The following DPP8 variants were observed in gnomAD, a reference collection of about 807,000 sequenced individuals.
DPP8 encodes dipeptidyl peptidase 8.
DPP8 carries 31 observed loss-of-function variants against 107.5 expected under a neutral mutation model. The observed-to-expected ratio is 0.29, with a 90% confidence interval of 0.22 to 0.39. The LOEUF (loss-of-function observed/expected upper bound fraction) is 0.39. Among genes scored for constraint, DPP8 ranks in the 10% least tolerant of loss-of-function variants. DPP8 has a pLI of 1.00. For missense variants in DPP8, 842 were observed against 1,076.1 expected (o/e 0.78, Z 3.04); for synonymous variants, 381 against 356.6 (o/e 1.07, Z -0.77).
chr15:65,486,868 T>C (rs765741443), intron 7 of DPP8, among the ~76,000 whole-genome samples: 12 of 152,046 alleles, frequency 7.9e-5, no homozygotes, highest in Admixed American at 4.6e-4. Context: ...AGACTACACA[T>C]TGGGTACAGT....
chr15:65,483,005 G>A (rs1595990659), intron 8 of DPP8, among the ~76,000 whole-genome samples: 1 of 152,074 alleles, frequency 6.6e-6, no homozygotes, highest in African/African-American at 2.4e-5. Context: ...GCCGAGGCAG[G>A]AGAATGGCGT....
At chr15:65,506,254 G>A (rs139303567) in intron 3 of DPP8, among the ~76,000 whole-genome samples, 111 of 152,022 alleles carry the variant, frequency 7.3e-4, no homozygotes, top group African/African-American at 2.6e-3. Flanking sequence ...GCTTGAACCC[G>A]GGAGGCGGAG....
intron 19 of DPP8, among the ~76,000 whole-genome samples, chr15:65,449,232 A>AATATATATATATATATAATTTAAAAATAT (rs2063787560): frequency 6.9e-6 from 1 of 144,448 alleles, no homozygotes; most frequent in Non-Finnish European, 1.5e-5. Context: ...AATAAAAATA[A>AATATATATATATATATAATTTAAAAATAT]ATATATATAT....
intron 11 of DPP8, 35 bp downstream of exon 11, chr15:65,478,844 AT>A (rs2066642883): frequency 6.0e-6 from 9 of 1,495,584 alleles, no homozygotes; most frequent in Non-Finnish European, 8.2e-6. Context: ...TGCTTCCAAC[AT>A]TTTTTCTTTT....
At chr15:65,492,097 T>C (rs930581453) in intron 5 of DPP8, among the ~76,000 whole-genome samples, 17 of 150,756 alleles carry the variant, frequency 1.1e-4, no homozygotes, top group African/African-American at 4.1e-4. Context: ...ATCCCAACAC[T>C]TTGGGAGGCT....
chr15:65,476,351 T>G (rs1015316196), intron 11 of DPP8, among the ~76,000 whole-genome samples: 1 of 152,150 alleles, frequency 6.6e-6, no homozygotes, highest in Non-Finnish European at 1.5e-5. Flanking sequence ...CATAAAATTA[T>G]ATGTTAACAT....
At position 65,445,195 on chromosome 15, in the gene DPP8, G is replaced by A. The variant is rs1322905806; in HGVS notation, c.*1689C>T. ...CTACCTCCCACTTGGTGTCAATGAA[G>A]TCCACCTCTTACCAATAGTCACCAA... On this transcript the variant is annotated 3_prime_UTR_variant, in exon 20 of 20. Transcript: ENST00000300141. The A allele has an allele frequency of 2.0e-5, 3 of 152,186 alleles. No individual in the cohort carries two copies. Among genetic ancestry groups the A allele is most frequent in the Non-Finnish European group, 4.4e-5 (3 of 68,060 alleles). The allele number at this position is 152,186 out of a possible 1,614,324, so 9.4% of individuals were successfully genotyped here. A position where few individuals can be genotyped will look rare whatever the true frequency, so the allele number is the denominator to read the frequency against.
At chr15:65,471,284 A>C (rs979026177) in intron 12 of DPP8, among the ~76,000 whole-genome samples, 1 of 152,208 alleles carries the variant, frequency 6.6e-6, no homozygotes, top group African/African-American at 2.4e-5. Flanking sequence ...TATAACAAGA[A>C]GGCCACTTGA....
At position 65,456,125 on chromosome 15, in the gene DPP8, C is replaced by G; in HGVS notation, c.2118+100G>C. 4 of 1,369,670 alleles carry G rather than the reference C, an allele frequency of 2.9e-6. No homozygotes were observed. The African/African-American group carries it at 5.8e-5, about 20-fold the overall frequency. The allele number at this position is 1,369,670 out of a possible 1,614,324, so 84.8% of individuals were successfully genotyped here. On this transcript the variant is annotated intron_variant, in intron 16 of 19. Coordinates refer to ENST00000300141, the MANE Select transcript of DPP8 (RefSeq NM_130434.5). The stretch of plus-strand genomic sequence containing the variant: ...ACACATACACTCTCACTCACTCATT[C>G]ATAGCCCCTTCCCCCAACTCTCTTT...
intron 3 of DPP8, among the ~76,000 whole-genome samples, chr15:65,502,413 C>T (rs911914439): frequency 9.9e-5 from 15 of 151,946 alleles, no homozygotes; most frequent in African/African-American, 3.1e-4. Context: ...CGTGGTGGCT[C>T]ATGCCTGTAA....
intron 1 of DPP8, 141 bp from the exon 2 acceptor site, chr15:65,512,705 G>T (rs2070951491): frequency 1.3e-6 from 1 of 772,062 alleles, no homozygotes; most frequent in Non-Finnish European, 2.1e-6. Context: ...ATGAAACTTA[G>T]TAAGAAAAGC....
chr15:65,479,197 G>A (rs1025652639), intron 10 of DPP8, among the ~76,000 whole-genome samples, 158 bp from the exon 11 acceptor site: 5 of 152,076 alleles, frequency 3.3e-5, no homozygotes, highest in African/African-American at 1.2e-4. Context: ...TTTGCTTGGG[G>A]CTTTCAGATT....
intron 14 of DPP8, among the ~76,000 whole-genome samples, chr15:65,464,624 A>G (rs1374226338): frequency 2.0e-5 from 3 of 152,070 alleles, no homozygotes; most frequent in Non-Finnish European, 4.4e-5. Context: ...TTGAGGCTAC[A>G]TTGAGCTGTG....
At chr15:65,511,654 A>AC (rs1179906004) in intron 2 of DPP8, among the ~76,000 whole-genome samples, 9 of 150,760 alleles carry the variant, frequency 6.0e-5, no homozygotes, top group East Asian at 1.9e-4. Context: ...AAAAAAAAAA[A>AC]AAAACTATAA....
In DPP8 at chr15:65,456,298, A is replaced by G. The variant is rs1323586622; in HGVS notation, c.2045T>C (p.Val682Ala). 6.2e-7 allele frequency: 1 copy of G among 1,614,028 alleles called. No homozygotes were observed. Among genetic ancestry groups the G allele is most frequent in the African/African-American group, 1.3e-5 (1 of 74,934 alleles). The change falls in exon 16 of 20, where the codon GTG (valine) becomes GCG (alanine). Residue 682 changes from valine (V) to alanine (A), a missense_variant. This residue lies in a region of DPP8 where 179 missense variants were observed against 318.0 expected (regional missense o/e 0.56). Coordinates refer to ENST00000300141, the MANE Select transcript of DPP8 (RefSeq NM_130434.5). ...TCCCCTGTTGTCTATCACTACAACC[A>G]CATAACCTAGAGAGGCTAGGGTATT... ...RLNTLASLGY[V>A]VVVIDNRGSC...
chr15:65,501,157 G>A (rs1047417639), intron 3 of DPP8, among the ~76,000 whole-genome samples: 12 of 151,988 alleles, frequency 7.9e-5, no homozygotes, highest in East Asian at 5.8e-4. Flanking sequence ...GATTACAGGC[G>A]TGAGACACCG....
intron 6 of DPP8, 92 bp downstream of exon 6, chr15:65,490,097 T>C (rs2067877087): frequency 6.6e-6 from 4 of 603,538 alleles, no homozygotes; most frequent in South Asian, 5.1e-5. Flanking sequence ...TTCAAATCTA[T>C]TATCCAAGAT....
intron 11 of DPP8, among the ~76,000 whole-genome samples, chr15:65,476,134 C>T (rs2066367921): frequency 6.6e-6 from 1 of 152,182 alleles, no homozygotes; most frequent in African/African-American, 2.4e-5. Context: ...AATCATTTCT[C>T]TTTTCCTCAC....
intron 15 of DPP8, among the ~76,000 whole-genome samples, chr15:65,459,254 G>C (rs373269506): frequency 8.9e-4 from 135 of 151,972 alleles, no homozygotes; most frequent in African/African-American, 3.1e-3. Flanking sequence ...ACAGCTCACT[G>C]CAACTTCAAA....
Sources: allele counts gnomAD v4.1 joint callset (sites outside exome capture counted in the v4.1 genomes callset), GRCh38; gene constraint gnomAD v4.1.1; regional missense constraint gnomAD v4.1.1; transcripts MANE v1.5; gene names NCBI Gene and HGNC (gene_info 2026-07-23, HGNC 2026-07-21).